MYRIP: variants seen among roughly 807,000 people sequenced by gnomAD.
MYRIP encodes rab effector MyRIP.
Under a neutral mutation model 98.0 loss-of-function variants are expected in MYRIP, and 49 were observed. The ratio of observed to expected loss-of-function variants is 0.50; its 90% CI spans 0.40 to 0.63. The LOEUF (loss-of-function observed/expected upper bound fraction) is 0.63, where lower values mean the gene tolerates loss of function less well. Ranked by LOEUF, MYRIP falls within the 30% of genes least tolerant of loss-of-function variation. The pLI is 0.00. For synonymous variants in MYRIP, 404 were observed against 409.5 expected (o/e 0.99, Z 0.16); for missense variants, 1,004 against 1,058.2 (o/e 0.95, Z 0.71).
intron 2 of MYRIP, among the ~76,000 whole-genome samples, chr3:40,022,229 T>C (rs1947015344): frequency 6.6e-6 from 1 of 152,220 alleles, no homozygotes; most frequent in Admixed American, 6.5e-5. Context: ...AAGGTGGCCA[T>C]TCCTGTCCTC....
chr3:39,985,181 A>ATTCAC (rs1946001771), intron 2 of MYRIP, among the ~76,000 whole-genome samples: 1 of 151,436 alleles, frequency 6.6e-6, no homozygotes, highest in Admixed American at 6.6e-5. Flanking sequence ...ACAGAGAGCC[A>ATTCAC]AATCATGAGT....
chr3:40,195,697 GT>G (rs34213599), intron 10 of MYRIP, among the ~76,000 whole-genome samples: 122,860 of 150,116 alleles, frequency 0.82, 51,400 homozygotes, highest in Middle Eastern at 0.94. Flanking sequence ...CTTGATTATG[GT>G]TTTTTTTTAA....
intron 3 of MYRIP, among the ~76,000 whole-genome samples, chr3:40,110,052 G>A (rs572208917): frequency 1.5e-4 from 23 of 152,288 alleles, no homozygotes; most frequent in Non-Finnish European, 2.6e-4. Flanking sequence ...ACTGCCTGAT[G>A]CCCACCATGG....
At chr3:40,218,612 T>TTTTTATATATA (rs1337574787) in intron 11 of MYRIP, among the ~76,000 whole-genome samples, 1 of 13,572 alleles carries the variant, frequency 7.4e-5, no homozygotes, top group South Asian at 2.8e-3. Context: ...TATATATATT[T>TTTTTATATATA]TATATATATA....
intron 1 of MYRIP, among the ~76,000 whole-genome samples, chr3:39,810,309 C>A (rs1302207468): frequency 6.6e-6 from 1 of 152,240 alleles, no homozygotes; most frequent in East Asian, 1.9e-4. Context: ...TTAAGCGCCC[C>A]GCAAGCAGCC....
chr3:40,062,739 G>A (rs1948045005), intron 3 of MYRIP, among the ~76,000 whole-genome samples: 1 of 152,116 alleles, frequency 6.6e-6, no homozygotes, highest in African/African-American at 2.4e-5. Context: ...AAATATAATT[G>A]CCTGTTCATT....
Position 39,896,104 on chromosome 3 carries a change from GAAACAAA to G in MYRIP, c.-30-4674_-30-4668del, listed in dbSNP as rs141806126. On this transcript the variant is annotated intron_variant, in intron 1 of 16. Transcript: ENST00000302541. ...CTTAGAGAAACTAAAGTGATAAATGGAAACAAAAAACAAAATGGAAAATGTATTTCAG... is the reference window on the plus strand; with the variant it reads ...CTTAGAGAAACTAAAGTGATAAATGGAAACAAAATGGAAAATGTATTTCAG... 9.2e-3 allele frequency among the ~76,000 whole-genome samples: 1,404 copies of G among 152,198 alleles called. 24 individuals are homozygous for G. Among genetic ancestry groups the G allele is most frequent in the African/African-American group, 0.032 (1,328 of 41,540 alleles).
chr3:39,999,441 C>T (rs1316294374), intron 2 of MYRIP, among the ~76,000 whole-genome samples: 1 of 152,130 alleles, frequency 6.6e-6, no homozygotes, highest in Non-Finnish European at 1.5e-5. Context: ...TCATCACTGG[C>T]CATCAGAGAA....
chr3:40,224,957 TTA>T (rs1304581262), intron 11 of MYRIP, among the ~76,000 whole-genome samples: 1 of 152,228 alleles, frequency 6.6e-6, no homozygotes, highest in African/African-American at 2.4e-5. Context: ...CTGGAGTGCC[TTA>T]TGTTTCATGA....
intron 1 of MYRIP, among the ~76,000 whole-genome samples, chr3:39,851,704 A>G (rs985061705): frequency 6.6e-6 from 1 of 152,192 alleles, no homozygotes; most frequent in African/African-American, 2.4e-5. Flanking sequence ...CTCATTTGTC[A>G]GAAATAAAAT....
chr3:39,851,549 C>T (rs1462852280), intron 1 of MYRIP, among the ~76,000 whole-genome samples: 1 of 152,186 alleles, frequency 6.6e-6, no homozygotes, highest in African/African-American at 2.4e-5. Flanking sequence ...GTATGGCCAA[C>T]AGAAGTCATG....
At chr3:40,165,757 A>T (rs1475364150) in intron 5 of MYRIP, among the ~76,000 whole-genome samples, 1 of 534 alleles carries the variant, frequency 1.9e-3, no homozygotes, top group African/African-American at 2.0e-3. Flanking sequence ...GCCATATCTT[A>T]AAAAAAAAAA....
intron 3 of MYRIP, among the ~76,000 whole-genome samples, chr3:40,109,026 A>C (rs1167698150): frequency 6.6e-6 from 1 of 152,100 alleles, no homozygotes; most frequent in Non-Finnish European, 1.5e-5. Flanking sequence ...AATTATTCAA[A>C]CAAGCCAACC....
chr3:40,039,428 A>C (rs1947460402), intron 2 of MYRIP, among the ~76,000 whole-genome samples: 1 of 152,148 alleles, frequency 6.6e-6, no homozygotes, highest in African/African-American at 2.4e-5. Flanking sequence ...AACACGAGGA[A>C]GGGAAGAGAA....
In MYRIP at chr3:40,038,161, T is replaced by G. The variant is rs565978284; in HGVS notation, c.111-5889T>G. Among the ~76,000 whole-genome samples the G allele has an allele frequency of 1.5e-4, 23 of 152,274 alleles. 1 individual carries two copies. Among genetic ancestry groups the G allele is most frequent in the Admixed American group, 3.9e-4 (6 of 15,278 alleles). The stretch of plus-strand genomic sequence containing the variant: ...AAAGTTAATAACAAAAGCCACATAT[T>G]TGGAAATTTTTAAACCTGAGAATTA... On this transcript the variant is annotated intron_variant, in intron 2 of 16. Coordinates refer to ENST00000302541, the MANE Select transcript of MYRIP (RefSeq NM_015460.4).
At chr3:40,239,700 G>A in intron 12 of MYRIP, among the ~76,000 whole-genome samples, 1 of 150,186 alleles carries the variant, frequency 6.7e-6, no homozygotes, top group South Asian at 2.1e-4. Context: ...CTGCATAAAT[G>A]TCTTCTTTTG....
At chr3:40,189,406 TC>T (rs895003656) in intron 9 of MYRIP, among the ~76,000 whole-genome samples, 1 of 152,138 alleles carries the variant, frequency 6.6e-6, no homozygotes, top group African/African-American at 2.4e-5. Context: ...TGGAATTGTT[TC>T]CCATCAGTGA....
intron 3 of MYRIP, among the ~76,000 whole-genome samples, chr3:40,132,433 C>G (rs1262257284): frequency 1.3e-5 from 2 of 152,098 alleles, no homozygotes; most frequent in East Asian, 3.8e-4. Flanking sequence ...CACCTGAGCT[C>G]CTAAAAATGA....
chr3:40,209,474 A>T (rs185297634), intron 10 of MYRIP, among the ~76,000 whole-genome samples: 1,565 of 152,270 alleles, frequency 0.01, 6 homozygotes, highest in Non-Finnish European at 0.016. Context: ...ATCAATTTTT[A>T]AAAGTGAATA....
Sources: gnomAD v4.1 joint callset for allele counts (sites outside exome capture counted in the v4.1 genomes callset) on GRCh38, gnomAD v4.1.1 for gene constraint, MANE v1.5 for transcripts, NCBI Gene and HGNC (gene_info 2026-07-23, HGNC 2026-07-21) for gene names.